Variants in PTPRD observed in about 807,000 individuals in gnomAD.
The protein encoded by PTPRD is protein tyrosine phosphatase receptor type D.
In PTPRD, 34 loss-of-function variants were observed where a neutral mutation model predicts 214.5. The ratio of observed to expected loss-of-function variants is 0.16; its 90% CI spans 0.12 to 0.21. The LOEUF (loss-of-function observed/expected upper bound fraction) is 0.21, where lower values mean the gene tolerates loss of function less well. PTPRD is among the 10% of genes least tolerant of loss of function. The pLI, the probability that PTPRD is intolerant of heterozygous loss-of-function variation, is 1.00. For missense variants in PTPRD, 2,545 were observed against 2,398.7 expected (o/e 1.06, Z -1.27); for synonymous variants, 1,128 against 845.7 (o/e 1.33, Z -5.79).
chr9:9,586,630 T>C (rs1025654619), intron 7 of PTPRD, among the ~76,000 whole-genome samples: 3 of 151,950 alleles, frequency 2.0e-5, no homozygotes, highest in Admixed American at 6.6e-5. Context: ...ATTTTTAAAA[T>C]AGAAAAACCC....
intron 5 of PTPRD, among the ~76,000 whole-genome samples, chr9:9,925,762 T>A (rs552189615): frequency 6.6e-6 from 1 of 152,268 alleles, no homozygotes; most frequent in African/African-American, 2.4e-5. Context: ...TATCTTTGTT[T>A]CATTGTAATG....
intron 3 of PTPRD, among the ~76,000 whole-genome samples, chr9:10,229,132 C>G (rs1222877386): frequency 6.6e-6 from 1 of 151,958 alleles, no homozygotes; most frequent in Non-Finnish European, 1.5e-5. Flanking sequence ...CAGAGAAATG[C>G]AAATCAAAAC....
intron 12 of PTPRD, among the ~76,000 whole-genome samples, chr9:8,656,635 G>T (rs75989090): frequency 0.088 from 13,390 of 152,250 alleles, 697 homozygotes; most frequent in East Asian, 0.18. Context: ...CACACACAGT[G>T]GTGTTAGAAA....
At chr9:8,972,934 G>C (rs1415655346) in intron 11 of PTPRD, among the ~76,000 whole-genome samples, 1 of 151,022 alleles carries the variant, frequency 6.6e-6, no homozygotes, top group Non-Finnish European at 1.5e-5. Context: ...ACGTTTAATA[G>C]ACTAGTAGAT....
intron 9 of PTPRD, among the ~76,000 whole-genome samples, chr9:9,245,685 G>C (rs929478500): frequency 6.6e-6 from 1 of 151,930 alleles, no homozygotes; most frequent in Non-Finnish European, 1.5e-5. Context: ...TGAGTTGATG[G>C]GTGCAGCACA....
intron 3 of PTPRD, among the ~76,000 whole-genome samples, chr9:10,062,578 C>G (rs1008174526): frequency 3.9e-5 from 6 of 151,984 alleles, no homozygotes; most frequent in African/African-American, 1.4e-4. Flanking sequence ...CGTATTCCAG[C>G]CTGGGCGAAA....
At position 9,035,533 on chromosome 9, in the gene PTPRD, C is replaced by T. The variant is rs527837865; in HGVS notation, c.-142-16798G>A. ...TGCTCCAAGTTATAAACCTCCCTCC[C>T]GTCATAGGGTGTTCCCCCCACCCCA... On this transcript the variant is annotated intron_variant, in intron 10 of 45. Transcript: ENST00000381196. Among the ~76,000 whole-genome samples the T allele has an allele frequency of 2.6e-4, 40 of 152,148 alleles. No homozygotes were observed. The South Asian group carries it at 7.1e-3, about 27-fold the overall frequency.
At chr9:10,472,789 T>C (rs1303015314) in intron 2 of PTPRD, among the ~76,000 whole-genome samples, 3 of 152,042 alleles carry the variant, frequency 2.0e-5, no homozygotes, top group Non-Finnish European at 4.4e-5. Flanking sequence ...ATATATCTGA[T>C]ATAGCAAACC....
intron 11 of PTPRD, among the ~76,000 whole-genome samples, chr9:8,923,234 G>A (rs968967304): frequency 8.6e-5 from 13 of 151,642 alleles, no homozygotes; most frequent in Non-Finnish European, 1.6e-4. Flanking sequence ...TAGAGACAGG[G>A]TTTCACCATG....
At chr9:9,533,920 C>T in intron 8 of PTPRD, among the ~76,000 whole-genome samples, 1 of 151,940 alleles carries the variant, frequency 6.6e-6, no homozygotes, top group East Asian at 1.9e-4. Flanking sequence ...TTTACTGTAT[C>T]CTTACTTAAG....
At chr9:10,390,038 T>A (rs1474924677) in intron 2 of PTPRD, among the ~76,000 whole-genome samples, 1 of 151,802 alleles carries the variant, frequency 6.6e-6, no homozygotes, top group Admixed American at 6.6e-5. Flanking sequence ...TTAGATGACT[T>A]TACATGGCTC....
At chr9:10,001,793 T>C (rs2096324911) in intron 4 of PTPRD, among the ~76,000 whole-genome samples, 1 of 152,104 alleles carries the variant, frequency 6.6e-6, no homozygotes, top group African/African-American at 2.4e-5. Context: ...AAATACTAAC[T>C]GGAGAGTCCT....
At chr9:9,399,333 A>G (rs2069217283) in intron 8 of PTPRD, among the ~76,000 whole-genome samples, 1 of 152,012 alleles carries the variant, frequency 6.6e-6, no homozygotes, top group African/African-American at 2.4e-5. Context: ...TCAGCTTCTC[A>G]GATTTTGTGC....
chr9:8,504,376 T>C lies in PTPRD; in HGVS notation c.1707A>G (p.Ser569=), dbSNP rs2097491102. 1 of 1,614,176 alleles carries C rather than the reference T, an allele frequency of 6.2e-7. No homozygotes were observed. The highest frequency in any genetic ancestry group is 8.5e-7 in the Non-Finnish European group (1 of 1,180,014). ...TTGGTTTCAGTCCTTGCAGCCTATA[T>C]GATGTCCCTGGCTCAATGGTAATTC... ...EQRITIEPGT[S]YRLQGLKPNS... Residue 569 remains serine (S), a synonymous_variant, in exon 23 of 46, where the codon TCA becomes TCG. Transcript: ENST00000381196.
chr9:9,060,000 AT>A (rs1295078829), intron 10 of PTPRD, among the ~76,000 whole-genome samples: 25 of 152,182 alleles, frequency 1.6e-4, no homozygotes, highest in Admixed American at 1.6e-3. Context: ...ATTTAATGCA[AT>A]TCCAATAAAA....
intron 7 of PTPRD, among the ~76,000 whole-genome samples, chr9:9,590,228 G>A (rs986936064): frequency 7.3e-5 from 11 of 151,378 alleles, no homozygotes; most frequent in African/African-American, 2.7e-4. Flanking sequence ...TTTTCCACAG[G>A]GCAATATATC....
Position 8,811,905 on chromosome 9 carries a change from T to C in PTPRD, c.-103-77959A>G, listed in dbSNP as rs986007161. ...CATTTCCCATCTGAAAGACATCCAC[T>C]TGGGTGGGGACTTGAGGCTTGTGAG... On this transcript the variant is annotated intron_variant, in intron 11 of 45. Coordinates refer to ENST00000381196, the MANE Select transcript of PTPRD (RefSeq NM_002839.4). Among the ~76,000 whole-genome samples the C allele has an allele frequency of 2.6e-5, 4 of 152,104 alleles. No individual in the cohort carries two copies. The East Asian group carries it at 7.7e-4, about 29-fold the overall frequency.
intron 2 of PTPRD, among the ~76,000 whole-genome samples, chr9:10,516,697 G>C (rs2050227458): frequency 6.6e-6 from 1 of 151,932 alleles, no homozygotes; most frequent in African/African-American, 2.4e-5. Flanking sequence ...AGGAGTTTTA[G>C]AGTTTCAAGT....
intron 3 of PTPRD, among the ~76,000 whole-genome samples, chr9:10,268,578 ATCTT>A (rs770591999): frequency 1.5e-4 from 23 of 152,042 alleles, no homozygotes; most frequent in Non-Finnish European, 1.5e-4. Context: ...AGATAGATTG[ATCTT>A]TCTATTTCAT....
Sources: gnomAD v4.1 joint callset for allele counts (sites outside exome capture counted in the v4.1 genomes callset) on GRCh38, gnomAD v4.1.1 for gene constraint, MANE v1.5 for transcripts, NCBI Gene and HGNC (gene_info 2026-07-23, HGNC 2026-07-21) for gene names.